Variants in SCTR observed in about 807,000 individuals in gnomAD.
The protein encoded by SCTR is secretin receptor.
A neutral mutation model predicts 60.8 loss-of-function variants in SCTR; 56 were observed. The ratio of observed to expected loss-of-function variants is 0.92; its 90% CI spans 0.74 to 1.15. SCTR has a LOEUF of 1.15. Ranked by LOEUF, SCTR falls within the 50% of genes most tolerant of loss-of-function variation. The pLI, the probability that SCTR is intolerant of heterozygous loss-of-function variation, is 0.00. For synonymous variants in SCTR, 202 were observed against 217.0 expected (o/e 0.93, Z 0.61); for missense variants, 562 against 550.4 (o/e 1.02, Z -0.21).
At chr2:119,518,845 A>G (rs1047199845) in intron 1 of SCTR, among the ~76,000 whole-genome samples, 4 of 152,074 alleles carry the variant, frequency 2.6e-5, no homozygotes, top group Non-Finnish European at 2.9e-5. Flanking sequence ...AAGAGAGGCT[A>G]TGTCCTCCCT....
At chr2:119,454,289 G>T (rs901073202) in intron 7 of SCTR, among the ~76,000 whole-genome samples, 4 of 152,160 alleles carry the variant, frequency 2.6e-5, no homozygotes, top group Admixed American at 2.6e-4. Context: ...ATAAGAAACA[G>T]ATAAGCACCC....
chr2:119,494,945 T>C (rs186987200), intron 1 of SCTR, among the ~76,000 whole-genome samples: 17 of 152,316 alleles, frequency 1.1e-4, no homozygotes, highest in Admixed American at 8.5e-4. Flanking sequence ...TTGTTTTCTA[T>C]TTTTCTAGAG....
chr2:119,481,432 T>C (rs1408134933), intron 2 of SCTR, among the ~76,000 whole-genome samples: 1 of 152,176 alleles, frequency 6.6e-6, no homozygotes, highest in African/African-American at 2.4e-5. Context: ...CAGATCCTCC[T>C]TGTGAGACCA....
chr2:119,517,921 A>C (rs1009846195), intron 1 of SCTR, among the ~76,000 whole-genome samples: 1 of 152,180 alleles, frequency 6.6e-6, no homozygotes, highest in Non-Finnish European at 1.5e-5. Flanking sequence ...GGTAGGGCCC[A>C]TAAGGAGGTA....
intron 1 of SCTR, among the ~76,000 whole-genome samples, chr2:119,514,938 T>C (rs1679065964): frequency 6.6e-6 from 1 of 152,170 alleles, no homozygotes; most frequent in African/African-American, 2.4e-5. Context: ...TCTCACACTT[T>C]ATAATTACTT....
chr2:119,481,318 A>G (rs1558863629), intron 2 of SCTR, among the ~76,000 whole-genome samples: 2 of 152,104 alleles, frequency 1.3e-5, no homozygotes, highest in Non-Finnish European at 2.9e-5. Context: ...CATCCCCTCT[A>G]AGTGAAATCT....
intron 7 of SCTR, among the ~76,000 whole-genome samples, chr2:119,458,792 G>A (rs556626302): frequency 6.6e-6 from 1 of 152,264 alleles, no homozygotes; most frequent in Admixed American, 6.5e-5. Context: ...CTGGGAACAC[G>A]TCAGAAATGC....
intron 1 of SCTR, among the ~76,000 whole-genome samples, chr2:119,509,215 C>T (rs1221589345): frequency 6.6e-6 from 1 of 152,190 alleles, no homozygotes; most frequent in Non-Finnish European, 1.5e-5. Flanking sequence ...AAGACTGAAC[C>T]TAACCCAGGG....
At position 119,452,058 on chromosome 2, in the gene SCTR, G is replaced by A. The variant is rs140060251; in HGVS notation, c.873C>T (p.Asn291=). The A allele has an allele frequency of 7.5e-5, 120 of 1,607,920 alleles. No individual in the cohort carries two copies. The highest frequency in any genetic ancestry group is 1.6e-4 in the Middle Eastern group (1 of 6,068). The change falls in exon 9 of 13, where the codon AAC becomes AAT. Residue 291 remains asparagine (N), a synonymous_variant. Transcript: ENST00000019103. ...EDVGCWDINA[N]ASIWWIIRGP... is the part of the protein sequence containing the mutation. ...CACGAATGATCCACCAGATGGATGC[G>A]TTGGCATTGATGTCCCAGCACCTAA...
At position 119,446,812 on chromosome 2, in the gene SCTR, C is replaced by T; in HGVS notation, c.1087G>A (p.Glu363Lys). The change falls in exon 11 of 13, where the codon GAG becomes AAG. Residue 363 changes from glutamate (E) to lysine (K), a missense_variant. Glu to Lys is a moderately conservative substitution (Grantham distance 56). Coordinates refer to ENST00000019103, the MANE Select transcript of SCTR (RefSeq NM_002980.3). Reference sequence around the variant, plus strand: ...AACAGCTGGATCTCCATAGCGTCCTCTGGGGAGAAGGCGAAGACGATGTAG... The same window carrying T: ...AACAGCTGGATCTCCATAGCGTCCTTTGGGGAGAAGGCGAAGACGATGTAG... ...IHYIVFAFSP[E>K]DAMEIQLFFE... The T allele has an allele frequency of 6.3e-7, 1 of 1,583,294 alleles. No homozygotes were observed. Among genetic ancestry groups the T allele is most frequent in the Non-Finnish European group, 8.6e-7 (1 of 1,163,812 alleles).
intron 2 of SCTR, among the ~76,000 whole-genome samples, chr2:119,484,250 C>T (rs1249810398): frequency 6.6e-6 from 1 of 152,206 alleles, no homozygotes; most frequent in African/African-American, 2.4e-5. Context: ...GCTGTGTGGG[C>T]AGGCAGATCC....
chr2:119,518,728 G>A (rs1679189440), intron 1 of SCTR, among the ~76,000 whole-genome samples: 1 of 152,226 alleles, frequency 6.6e-6, no homozygotes. Flanking sequence ...AGCTTGCTAA[G>A]AGCAGGGATG....
At chr2:119,476,803 G>A (rs1411704598) in intron 3 of SCTR, 3 of 152,404 alleles carry the variant, frequency 2.0e-5, no homozygotes, top group Non-Finnish European at 1.5e-5. Flanking sequence ...CTGTGGAGGA[G>A]CACTGCACAG....
intron 2 of SCTR, chr2:119,479,146 G>A (rs1192749246): frequency 9.3e-7 from 1 of 1,071,274 alleles, no homozygotes; most frequent in Non-Finnish European, 1.2e-6. Flanking sequence ...AAGGAAGTAA[G>A]AAAGGGAGGG....
chr2:119,464,812 G>C (rs1293406809), intron 5 of SCTR, among the ~76,000 whole-genome samples: 1 of 152,274 alleles, frequency 6.6e-6, no homozygotes, highest in Non-Finnish European at 1.5e-5. Flanking sequence ...TCCCAGAATT[G>C]TTTTGGGGGA....
rs189675341 is a variant in SCTR at position 119,444,393 on chromosome 2, A to C, written c.1140+2366T>G. On this transcript the variant is annotated intron_variant, in intron 11 of 12. Coordinates refer to ENST00000019103, the MANE Select transcript of SCTR (RefSeq NM_002980.3). ...CATATATACGTATGAATATATATACACATATACGTATGAATATATATACCC... is the reference window on the plus strand; with the variant it reads ...CATATATACGTATGAATATATATACCCATATACGTATGAATATATATACCC... Among the ~76,000 whole-genome samples, 324 of 144,768 alleles carry C rather than the reference A, an allele frequency of 2.2e-3. 12 individuals carry two copies. Among genetic ancestry groups the C allele is most frequent in the East Asian group, 0.013 (63 of 4,940 alleles). 95.0% of individuals were successfully genotyped at this position (144,768 alleles called of 152,430 possible). A position where few individuals can be genotyped will look rare whatever the true frequency, so the allele number is the denominator to read the frequency against.
chr2:119,488,828 C>T (rs916437684), intron 2 of SCTR, among the ~76,000 whole-genome samples: 1 of 152,206 alleles, frequency 6.6e-6, no homozygotes, highest in African/African-American at 2.4e-5. Flanking sequence ...AGATTATTTT[C>T]CCCACTTTAA....
chr2:119,444,424 CGTATGAATATACACAT>C (rs1682811344), intron 11 of SCTR, among the ~76,000 whole-genome samples: 1 of 37,852 alleles, frequency 2.6e-5, no homozygotes, highest in African/African-American at 9.7e-5. Context: ...TACCCATATA[CGTATGAATATACACAT>C]ATATATACGT....
Position 119,494,467 on chromosome 2 carries a change from C to A in SCTR, c.154G>T (p.Glu52Ter). 6.2e-7 allele frequency: 1 copy of A among 1,614,044 alleles called. No homozygotes were observed. The highest frequency in any genetic ancestry group is 8.5e-7 in the Non-Finnish European group (1 of 1,179,934). Residue 52 changes from glutamate (E) to a stop codon, truncating the protein, a stop_gained, in exon 2 of 13, where the codon GAG becomes TAG. Transcript: ENST00000019103. LOFTEE classifies it high-confidence loss of function. ...TCCGTGCCCAGGTCTCCTGTCTGCT[C>A]TCTGGAGAGTTCCTGCAGGCACTGG... ...QDQCLQELSR[E>*]QTGDLGTEQP...
Sources: gnomAD v4.1 joint callset for allele counts (sites outside exome capture counted in the v4.1 genomes callset) on GRCh38, gnomAD v4.1.1 for gene constraint, MANE v1.5 for transcripts, NCBI Gene and HGNC (gene_info 2026-07-23, HGNC 2026-07-21) for gene names.